Variants in KLRG2 observed in about 807,000 individuals in gnomAD.
The protein encoded by KLRG2 is killer cell lectin-like receptor subfamily G member 2.
A neutral mutation model predicts 35.4 loss-of-function variants in KLRG2; 39 were observed. The ratio of observed to expected loss-of-function variants is 1.10; its 90% CI spans 0.85 to 1.44. KLRG2 has a LOEUF of 1.44. Ranked by LOEUF, KLRG2 falls within the 40% of genes most tolerant of loss-of-function variation. The pLI is 0.00. For synonymous variants in KLRG2, 283 were observed against 265.8 expected (o/e 1.06, Z -0.63); for missense variants, 632 against 570.9 (o/e 1.11, Z -1.09).
intron 3 of KLRG2, among the ~76,000 whole-genome samples, chr7:139,460,300 T>C (rs983237715): frequency 6.6e-6 from 1 of 152,258 alleles, no homozygotes; most frequent in Non-Finnish European, 1.5e-5. Flanking sequence ...GTCATCGTCC[T>C]GGTCTGTTTA....
chr7:139,437,425 CA>C, the KLRG2 span, among the ~76,000 whole-genome samples: 146 of 73,218 alleles, frequency 2.0e-3, no homozygotes, highest in East Asian at 5.5e-3. Context: ...ACTCCATCTC[CA>C]AAAAAAAAAA....
At chr7:139,468,068 C>T (rs1402497196) in intron 3 of KLRG2, among the ~76,000 whole-genome samples, 1 of 152,184 alleles carries the variant, frequency 6.6e-6, no homozygotes, top group Non-Finnish European at 1.5e-5. Context: ...ATCTAAAGCA[C>T]AGCACTTAAT....
intron 2 of KLRG2, 88 bp from the exon 3 acceptor site, chr7:139,479,860 G>C (rs12707446): frequency 0.18 from 254,499 of 1,441,240 alleles, 23,888 homozygotes; most frequent in Middle Eastern, 0.21. Context: ...AAGGGGCATG[G>C]AACTGGCAAA....
chr7:139,457,418 T>A lies in KLRG2; in HGVS notation c.1006-3204A>T, dbSNP rs544767095. On this transcript the variant is annotated intron_variant, in intron 3 of 4. Coordinates refer to ENST00000340940, the MANE Select transcript of KLRG2 (RefSeq NM_198508.4). ...ACCCCATATGCAAATTCTGGCTCCA[T>A]GACTTGTGAGCCACATGACCTTAGA... is the stretch of plus-strand genomic sequence containing the variant. Among the ~76,000 whole-genome samples the A allele has an allele frequency of 2.6e-5, 4 of 152,314 alleles. No individual in the cohort carries two copies. In the East Asian group the frequency reaches 7.7e-4, roughly 29 times the overall value.
At chr7:139,446,432 C>A in the KLRG2 span, among the ~76,000 whole-genome samples, 1 of 149,860 alleles carries the variant, frequency 6.7e-6, no homozygotes, top group African/African-American at 2.5e-5. Flanking sequence ...CAACTTCTAC[C>A]TCCTGGGTAG....
At chr7:139,455,617 G>A (rs780075315) in intron 3 of KLRG2, among the ~76,000 whole-genome samples, 11 of 152,280 alleles carry the variant, frequency 7.2e-5, no homozygotes, top group South Asian at 2.1e-4. Flanking sequence ...CACCGCGCCC[G>A]GCCAAGATTT....
chr7:139,454,300 A>T, intron 3 of KLRG2, 86 bp from the exon 4 acceptor site: 1 of 706,512 alleles, frequency 1.4e-6, no homozygotes, highest in Non-Finnish European at 2.5e-6. Context: ...CTTCCACAGG[A>T]TCCCAGCTGG....
At chr7:139,464,160 G>T (rs548554682) in intron 3 of KLRG2, among the ~76,000 whole-genome samples, 57 of 152,014 alleles carry the variant, frequency 3.7e-4, no homozygotes, top group African/African-American at 1.1e-3. Context: ...TTCTCCCCTT[G>T]TATCTCCCCA....
At chr7:139,454,840 T>TAATA (rs1569409588) in intron 3 of KLRG2, among the ~76,000 whole-genome samples, 1 of 135,132 alleles carries the variant, frequency 7.4e-6, no homozygotes, top group Non-Finnish European at 1.5e-5. Flanking sequence ...ATAATAATAA[T>TAATA]AATAATAATA....
intron 3 of KLRG2, among the ~76,000 whole-genome samples, chr7:139,470,841 CTT>C (rs879394340): frequency 1.6e-4 from 22 of 141,672 alleles, no homozygotes; most frequent in South Asian, 2.3e-4. Flanking sequence ...CAGCACATTC[CTT>C]TTTTTTTTTT....
Position 139,473,204 on chromosome 7 carries a change from C to T in KLRG2, c.1005+6423G>A, listed in dbSNP as rs548893043. Among the ~76,000 whole-genome samples the T allele has an allele frequency of 1.8e-3, 272 of 152,244 alleles. 1 individual carries two copies. The highest frequency in any genetic ancestry group is 3.6e-3 in the Non-Finnish European group (246 of 68,028). On this transcript the variant is annotated intron_variant, in intron 3 of 4. Transcript: ENST00000340940. ...GCCGAGGCAGGAGAATCACTTGAAC[C>T]TGTGAGGCAGAGGTTGCAGTGAGCT...
In KLRG2 at chr7:139,482,837, C is replaced by T. The variant is rs573356158; in HGVS notation, c.757+49G>A. The T allele has an allele frequency of 7.4e-6, 10 of 1,357,516 alleles. No individual in the cohort carries two copies. The South Asian group carries it at 1.6e-4, about 22-fold the overall frequency. 84.1% of individuals were successfully genotyped at this position (1,357,516 alleles called of 1,614,324 possible). On this transcript the variant is annotated intron_variant, in intron 1 of 4. Transcript: ENST00000340940. The stretch of plus-strand genomic sequence containing the variant: ...TGGGCGGGTGTGGGGGTTTCGGCTA[C>T]GTCCACCCGACCTGGCGGCGTCGGC...
At chr7:139,458,762 A>G (rs1333137475) in intron 3 of KLRG2, among the ~76,000 whole-genome samples, 1 of 152,244 alleles carries the variant, frequency 6.6e-6, no homozygotes, top group African/African-American at 2.4e-5. Context: ...TCTGCAAAGC[A>G]AAGTTGTTAT....
intron 3 of KLRG2, among the ~76,000 whole-genome samples, chr7:139,466,712 G>A (rs1208142469): frequency 2.7e-5 from 4 of 148,642 alleles, no homozygotes; most frequent in Admixed American, 6.7e-5. Flanking sequence ...CAAAATCGCC[G>A]AGGCCTCGAC....
At chr7:139,477,109 A>C (rs1382142579) in intron 3 of KLRG2, among the ~76,000 whole-genome samples, 1 of 152,202 alleles carries the variant, frequency 6.6e-6, no homozygotes, top group East Asian at 1.9e-4. Context: ...GGTAAAATTA[A>C]GCCAAGGATT....
intron 3 of KLRG2, among the ~76,000 whole-genome samples, chr7:139,464,447 C>T (rs2116447642): frequency 6.6e-6 from 1 of 152,276 alleles, no homozygotes; most frequent in South Asian, 2.1e-4. Context: ...ATTGTTTTGC[C>T]TATCCACCCC....
the KLRG2 span, among the ~76,000 whole-genome samples, chr7:139,442,144 T>C: frequency 6.6e-6 from 1 of 152,086 alleles, no homozygotes; most frequent in South Asian, 2.1e-4. Flanking sequence ...GATGCTCAGG[T>C]AGGGACTTGC....
intron 3 of KLRG2, among the ~76,000 whole-genome samples, chr7:139,454,844 AATAATAAT>A (rs1338972467): frequency 2.1e-5 from 3 of 139,620 alleles, no homozygotes; most frequent in Non-Finnish European, 3.0e-5. Flanking sequence ...TAATAATAAT[AATAATAAT>A]AATAATAATA....
intron 3 of KLRG2, among the ~76,000 whole-genome samples, chr7:139,468,164 C>A (rs1032219410): frequency 6.6e-6 from 1 of 152,178 alleles, no homozygotes; most frequent in South Asian, 2.1e-4. Flanking sequence ...GACCCTGCCA[C>A]ATCCCCCTCT....
Sources: allele counts gnomAD v4.1 joint callset (sites outside exome capture counted in the v4.1 genomes callset), GRCh38; gene constraint gnomAD v4.1.1; transcripts MANE v1.5; gene names NCBI Gene and HGNC (gene_info 2026-07-23, HGNC 2026-07-21).